ADAMTS6: variants seen among roughly 807,000 people sequenced by gnomAD.
ADAMTS6 encodes ADAM metallopeptidase with thrombospondin type 1 motif 6.
ADAMTS6 carries 23 observed loss-of-function variants against 144.3 expected under a neutral mutation model. The ratio of observed to expected loss-of-function variants is 0.16; its 90% CI spans 0.11 to 0.23. The LOEUF (loss-of-function observed/expected upper bound fraction) is 0.23. ADAMTS6 is among the 10% of genes least tolerant of loss of function. The pLI, the probability that ADAMTS6 is intolerant of heterozygous loss-of-function variation, is 1.00. For synonymous variants in ADAMTS6, 444 were observed against 457.5 expected, an observed-to-expected ratio of 0.97 and a Z score of 0.38; for missense variants, 999 against 1,379.6, an observed-to-expected ratio of 0.72 and a Z score of 4.37.
chr5:65,255,538 G>A (rs1372790203), intron 14 of ADAMTS6, among the ~76,000 whole-genome samples: 1 of 152,216 alleles, frequency 6.6e-6, no homozygotes, highest in Non-Finnish European at 1.5e-5. Flanking sequence ...CTGAGGAGCA[G>A]GGGAGGAGAT....
At chr5:65,370,374 T>C (rs1344997499) in intron 7 of ADAMTS6, among the ~76,000 whole-genome samples, 4 of 152,100 alleles carry the variant, frequency 2.6e-5, no homozygotes, top group Non-Finnish European at 5.9e-5. Context: ...CGGGTTCATC[T>C]CACTAGGGAG....
intron 15 of ADAMTS6, among the ~76,000 whole-genome samples, chr5:65,231,427 A>G (rs1334806312): frequency 1.3e-5 from 2 of 152,180 alleles, no homozygotes; most frequent in Non-Finnish European, 2.9e-5. Flanking sequence ...AAGCAATTCA[A>G]TAGGAAGATA....
At chr5:65,200,338 A>G (rs942177046) in intron 20 of ADAMTS6, among the ~76,000 whole-genome samples, 1 of 152,232 alleles carries the variant, frequency 6.6e-6, no homozygotes, top group Admixed American at 6.5e-5. Context: ...AATACAGATC[A>G]ACTGGAAATA....
At chr5:65,346,866 A>T (rs1748370604) in intron 7 of ADAMTS6, among the ~76,000 whole-genome samples, 1 of 151,776 alleles carries the variant, frequency 6.6e-6, no homozygotes, top group Non-Finnish European at 1.5e-5. Flanking sequence ...ATACAAAATC[A>T]ATGTAAAAAG....
chr5:65,438,823 T>C (rs1412585526), intron 7 of ADAMTS6, among the ~76,000 whole-genome samples: 1 of 152,174 alleles, frequency 6.6e-6, no homozygotes, highest in Admixed American at 6.5e-5. Context: ...TTATAACCAT[T>C]TATTAGACCA....
chr5:65,156,101 T>A (rs1752399933), intron 24 of ADAMTS6, among the ~76,000 whole-genome samples: 1 of 152,172 alleles, frequency 6.6e-6, no homozygotes, highest in Non-Finnish European at 1.5e-5. Context: ...TTAAATTATA[T>A]TGGGGCATTC....
At chr5:65,370,182 G>C (rs75905344) in intron 7 of ADAMTS6, among the ~76,000 whole-genome samples, 1,851 of 152,314 alleles carry the variant, frequency 0.012, 29 homozygotes, top group East Asian at 0.082. Flanking sequence ...GGCTGAGGCA[G>C]GTGGATCATG....
rs923226383 is a variant in ADAMTS6 at position 65,404,583 on chromosome 5, G to C, written c.1073+46892C>G. Reference sequence around the variant, plus strand: ...GGGTTGGTTCCAAGTCTTTGCTATTGTGAATAATGCCACAATAAACATACA... The same window carrying C: ...GGGTTGGTTCCAAGTCTTTGCTATTCTGAATAATGCCACAATAAACATACA... On this transcript the variant is annotated intron_variant, in intron 7 of 24. Coordinates refer to ENST00000381055, the MANE Select transcript of ADAMTS6 (RefSeq NM_197941.4). Among the ~76,000 whole-genome samples the C allele has an allele frequency of 1.3e-5, 2 of 152,116 alleles. 1 individual carries two copies. Among genetic ancestry groups the C allele is most frequent in the South Asian group, 4.1e-4 (2 of 4,830 alleles).
At chr5:65,339,352 G>A (rs1181070725) in intron 7 of ADAMTS6, among the ~76,000 whole-genome samples, 1 of 151,188 alleles carries the variant, frequency 6.6e-6, no homozygotes, top group Non-Finnish European at 1.5e-5. Flanking sequence ...TATTTATATG[G>A]ATTAATCTTT....
intron 7 of ADAMTS6, among the ~76,000 whole-genome samples, chr5:65,340,452 A>G (rs1177258936): frequency 2.0e-5 from 3 of 152,124 alleles, no homozygotes; most frequent in African/African-American, 4.8e-5. Context: ...TCACTGGTCA[A>G]GCAAATACAC....
chr5:65,444,654 C>T (rs1360659572), intron 7 of ADAMTS6, among the ~76,000 whole-genome samples: 2 of 152,192 alleles, frequency 1.3e-5, no homozygotes, highest in African/African-American at 4.8e-5. Flanking sequence ...GATGTCAGTT[C>T]GCTAGACCAC....
At chr5:65,313,128 AACACACACACACACACACACACACACAC>A (rs61525269) in intron 9 of ADAMTS6, among the ~76,000 whole-genome samples, 1 of 135,762 alleles carries the variant, frequency 7.4e-6, no homozygotes. Flanking sequence ...TTATTTCTGC[AACACACACACACACACACACACACACAC>A]ACACACACAC....
chr5:65,200,243 T>A (rs1755646529), intron 20 of ADAMTS6, among the ~76,000 whole-genome samples: 1 of 152,192 alleles, frequency 6.6e-6, no homozygotes, highest in Non-Finnish European at 1.5e-5. Flanking sequence ...GATAACTCTA[T>A]AAACCAAGGC....
intron 24 of ADAMTS6, among the ~76,000 whole-genome samples, chr5:65,157,248 T>C (rs1172061603): frequency 1.3e-5 from 2 of 152,244 alleles, no homozygotes. Context: ...AACATTGATG[T>C]GCCAATGAGT....
At chr5:65,205,240 T>A (rs565694082) in intron 20 of ADAMTS6, among the ~76,000 whole-genome samples, 24 of 152,302 alleles carry the variant, frequency 1.6e-4, no homozygotes, top group African/African-American at 5.3e-4. Context: ...GTGTTAGTCA[T>A]TATTTTTGTT....
At chr5:65,229,386 A>C (rs1057106081) in intron 15 of ADAMTS6, among the ~76,000 whole-genome samples, 2 of 152,228 alleles carry the variant, frequency 1.3e-5, no homozygotes, top group African/African-American at 2.4e-5. Context: ...ACAGTACTTC[A>C]AGAAACCAGA....
At chr5:65,272,645 T>TGTG (rs1482728187) in intron 12 of ADAMTS6, among the ~76,000 whole-genome samples, 2 of 152,044 alleles carry the variant, frequency 1.3e-5, no homozygotes, top group Admixed American at 6.6e-5. Context: ...TTAGATGGGG[T>TGTG]GTGGTAGCTC....
At chr5:65,185,724 G>T (rs1176435456) in intron 22 of ADAMTS6, among the ~76,000 whole-genome samples, 1 of 152,196 alleles carries the variant, frequency 6.6e-6, no homozygotes, top group African/African-American at 2.4e-5. Flanking sequence ...GGATAGATAA[G>T]AATCAAAATT....
intron 22 of ADAMTS6, among the ~76,000 whole-genome samples, chr5:65,187,568 A>G (rs1180091799): frequency 6.6e-6 from 1 of 152,156 alleles, no homozygotes; most frequent in African/African-American, 2.4e-5. Flanking sequence ...ACATTACTTG[A>G]AAAAAGATAT....
Sources: gnomAD v4.1 joint callset for allele counts (sites outside exome capture counted in the v4.1 genomes callset) on GRCh38, gnomAD v4.1.1 for gene constraint, MANE v1.5 for transcripts, NCBI Gene and HGNC (gene_info 2026-07-23, HGNC 2026-07-21) for gene names.